Variants in OSBPL9 observed in about 807,000 individuals in gnomAD.
The protein encoded by OSBPL9 is oxysterol binding protein like 9.
Under a neutral mutation model 106.6 loss-of-function variants are expected in OSBPL9, and 40 were observed. That is an observed-to-expected ratio of 0.38 (90% CI 0.29 to 0.49). OSBPL9 has a LOEUF of 0.49. Among genes scored for constraint, OSBPL9 ranks in the 20% least tolerant of loss-of-function variants. OSBPL9 has a pLI of 0.97. For missense variants in OSBPL9, 609 were observed against 887.2 expected (o/e 0.69, Z 3.98); for synonymous variants, 269 against 295.4 (o/e 0.91, Z 0.92).
intron 3 of OSBPL9, among the ~76,000 whole-genome samples, chr1:51,691,383 G>C (rs1466035660): frequency 2.0e-5 from 3 of 149,100 alleles, no homozygotes; most frequent in Non-Finnish European, 4.4e-5. Flanking sequence ...GGGTTCAAGC[G>C]ATTCTCCTGC....
intron 14 of OSBPL9, among the ~76,000 whole-genome samples, chr1:51,775,002 A>T (rs1674733743): frequency 6.6e-6 from 1 of 152,186 alleles, no homozygotes; most frequent in African/African-American, 2.4e-5. Flanking sequence ...TTTATACATT[A>T]AAGGTATTTA....
At chr1:51,688,422 A>G (rs1654282509) in intron 3 of OSBPL9, among the ~76,000 whole-genome samples, 1 of 151,858 alleles carries the variant, frequency 6.6e-6, no homozygotes, top group South Asian at 2.1e-4. Context: ...GCTCAAGCCC[A>G]GGAGTTCAAG....
rs544826762 is a variant in OSBPL9, at chr1:51,604,746, C to T, written c.-353+6553C>T. On this transcript the variant is annotated intron_variant, in intron 2 of 25. Coordinates refer to the OSBPL9 transcript ENST00000371714. The stretch of plus-strand genomic sequence containing the variant: ...TTGGCTCACTGCAACCTCGGCCTCC[C>T]GGGTCCAAGTGATTCTCCTGCCTCA... 1.4e-4 allele frequency among the ~76,000 whole-genome samples: 21 copies of T among 151,948 alleles called. No homozygotes were observed. The East Asian group carries it at 2.0e-3, about 14-fold the overall frequency.
rs192750636 is a variant in OSBPL9 at position 51,688,660 on chromosome 1, A to T, written c.241+19148A>T. On this transcript the variant is annotated intron_variant, in intron 3 of 23. Transcript: ENST00000428468. ...TAAAAAAATTTTTTAAAAGAATTTT[A>T]AAAAAGTTTTTACATTTTGTACTTA... Among the ~76,000 whole-genome samples the T allele has an allele frequency of 4.0e-4, 61 of 152,324 alleles. No individual in the cohort carries two copies. In the East Asian group the frequency reaches 0.01, roughly 25 times the overall value.
At chr1:51,632,942 T>G (rs1645198019) in intron 1 of OSBPL9, among the ~76,000 whole-genome samples, 1 of 152,046 alleles carries the variant, frequency 6.6e-6, no homozygotes, top group South Asian at 2.1e-4. Context: ...TAAAAAAAAA[T>G]GAGAGTTTTT....
intron 1 of OSBPL9, among the ~76,000 whole-genome samples, chr1:51,635,031 A>C (rs899467894): frequency 2.0e-5 from 3 of 152,356 alleles, no homozygotes; most frequent in African/African-American, 7.2e-5. Context: ...CTACAATTCA[A>C]GATGAGATTT....
chr1:51,590,916 ATTT>A (rs1293562526), intron 1 of OSBPL9, among the ~76,000 whole-genome samples: 1 of 131,630 alleles, frequency 7.6e-6, no homozygotes, highest in Non-Finnish European at 1.6e-5. Context: ...TGCCTGGCTA[ATTT>A]TTTTTTTTTT....
intron 2 of OSBPL9, among the ~76,000 whole-genome samples, chr1:51,654,542 A>C (rs1159206489): frequency 3.3e-5 from 5 of 152,188 alleles, no homozygotes; most frequent in African/African-American, 1.2e-4. Flanking sequence ...AGGGACTGAA[A>C]CAGATGCTTA....
intron 4 of OSBPL9, among the ~76,000 whole-genome samples, chr1:51,721,875 G>A (rs1662196117): frequency 6.6e-6 from 1 of 152,180 alleles, no homozygotes; most frequent in Admixed American, 6.5e-5. Context: ...AATAGTGCAT[G>A]CTCAATTTGG....
chr1:51,634,477 A>G (rs1378519715), intron 1 of OSBPL9, among the ~76,000 whole-genome samples: 1 of 152,214 alleles, frequency 6.6e-6, no homozygotes, highest in Admixed American at 6.5e-5. Flanking sequence ...TTCCCTCTGA[A>G]GGTTTGAATC....
At chr1:51,767,762 T>G (rs1230591476) in intron 12 of OSBPL9, among the ~76,000 whole-genome samples, 1 of 152,110 alleles carries the variant, frequency 6.6e-6, no homozygotes, top group East Asian at 1.9e-4. Flanking sequence ...CATAAACTAT[T>G]GAGAAACCAT....
At chr1:51,756,451 C>T (rs1446273760) in intron 9 of OSBPL9, 93 bp downstream of exon 9, 5 of 1,188,056 alleles carry the variant, frequency 4.2e-6, no homozygotes, top group Non-Finnish European at 4.9e-6. Flanking sequence ...ACTCATTTTT[C>T]AATGCCAACT....
At chr1:51,541,186 C>G in the OSBPL9 span, among the ~76,000 whole-genome samples, 9 of 152,142 alleles carry the variant, frequency 5.9e-5, no homozygotes, top group Non-Finnish European at 8.8e-5. Context: ...CTCTTCCCCA[C>G]TAAAATTAAG....
intron 1 of OSBPL9, among the ~76,000 whole-genome samples, chr1:51,597,424 T>TATA (rs1645305347): frequency 2.6e-5 from 1 of 37,992 alleles, no homozygotes; most frequent in Admixed American, 1.9e-4. Context: ...TATATATATA[T>TATA]GTGTGTGTGT....
At chr1:51,627,825 C>T (rs1376691477) in intron 1 of OSBPL9, among the ~76,000 whole-genome samples, 5 of 152,080 alleles carry the variant, frequency 3.3e-5, no homozygotes, top group African/African-American at 7.2e-5. Flanking sequence ...CTCGACAGCA[C>T]TCTTTTTTAC....
chr1:51,638,262 G>A (rs1645576589), intron 1 of OSBPL9, among the ~76,000 whole-genome samples: 2 of 152,162 alleles, frequency 1.3e-5, no homozygotes, highest in African/African-American at 4.8e-5. Flanking sequence ...TAACTTGAAG[G>A]ATGAGTGATG....
Position 51,628,509 on chromosome 1 carries a change from G to A in OSBPL9, c.111+11288G>A, listed in dbSNP as rs375563371. Among the ~76,000 whole-genome samples the A allele has an allele frequency of 5.6e-4, 85 of 151,590 alleles. 3 individuals carry two copies. In the South Asian group the frequency reaches 0.017, roughly 30 times the overall value. ...TGAGGTGGGAGAATTGCTTGAACCC[G>A]GGAGGTGAAGGTTGCAGGGAGCTGA... On this transcript the variant is annotated intron_variant, in intron 1 of 23. Coordinates refer to ENST00000428468, the MANE Select transcript of OSBPL9 (RefSeq NM_024586.6).
chr1:51,671,814 G>C (rs75857154), intron 3 of OSBPL9, among the ~76,000 whole-genome samples: 1,689 of 152,244 alleles, frequency 0.011, 29 homozygotes, highest in African/African-American at 0.037. Flanking sequence ...GCTGAAGAAA[G>C]TCAGGGAACA....
At chr1:51,723,491 C>T (rs1249023169) in intron 4 of OSBPL9, among the ~76,000 whole-genome samples, 1 of 151,908 alleles carries the variant, frequency 6.6e-6, no homozygotes, top group Non-Finnish European at 1.5e-5. Context: ...CATTTCTTTC[C>T]CTCCCTCTTT....
Sources: allele counts gnomAD v4.1 joint callset (sites outside exome capture counted in the v4.1 genomes callset), GRCh38; gene constraint gnomAD v4.1.1; transcripts MANE v1.5; gene names NCBI Gene and HGNC (gene_info 2026-07-23, HGNC 2026-07-21).